Variants in C1orf141 observed in about 807,000 individuals in gnomAD.
C1orf141 encodes the protein chromosome 1 open reading frame 141.
A neutral mutation model predicts 23.2 loss-of-function variants in C1orf141; 19 were observed. That is an observed-to-expected ratio of 0.82 (90% CI 0.57 to 1.20). The LOEUF (loss-of-function observed/expected upper bound fraction) is 1.20, where lower values mean the gene tolerates loss of function less well. Ranked by LOEUF, C1orf141 falls within the 50% of genes most tolerant of loss-of-function variation. The pLI is 0.00. For synonymous variants in C1orf141, 153 were observed against 154.6 expected (o/e 0.99, Z 0.08); for missense variants, 469 against 455.1 (o/e 1.03, Z -0.28).
chr1:67,104,983 T>C (rs1645887877), intron 5 of C1orf141, among the ~76,000 whole-genome samples: 1 of 152,186 alleles, frequency 6.6e-6, no homozygotes, highest in African/African-American at 2.4e-5. Flanking sequence ...ACAACTATTA[T>C]TGATAAGAAC....
At chr1:67,115,305 C>T in intron 5 of C1orf141, 47 bp downstream of exon 5, 1 of 704,960 alleles carries the variant, frequency 1.4e-6, no homozygotes, top group African/African-American at 1.8e-5. Flanking sequence ...ATAAATAAAG[C>T]ACCCATTAAT....
intron 5 of C1orf141, among the ~76,000 whole-genome samples, chr1:67,112,140 A>ACATAGC (rs1310957631): frequency 2.0e-5 from 3 of 152,196 alleles, no homozygotes; most frequent in Admixed American, 1.3e-4. Context: ...TGTGTGGGTT[A>ACATAGC]CATAGCCATA....
chr1:67,119,011 A>G (rs1420699514), intron 4 of C1orf141, among the ~76,000 whole-genome samples: 1 of 152,166 alleles, frequency 6.6e-6, no homozygotes, highest in Non-Finnish European at 1.5e-5. Flanking sequence ...CTGCTGTAAC[A>G]AGTACTTGAA....
At chr1:67,102,098 T>C (rs897573217) in intron 5 of C1orf141, among the ~76,000 whole-genome samples, 1 of 152,172 alleles carries the variant, frequency 6.6e-6, no homozygotes. Context: ...TTTTTCAAAA[T>C]GGTGAGCTAC....
intron 4 of C1orf141, chr1:67,123,803 C>T (rs1048005114): frequency 9.9e-5 from 15 of 152,202 alleles, no homozygotes; most frequent in African/African-American, 3.4e-4. Context: ...ATGGTGGCAG[C>T]TTTCTTCCAG....
At position 67,093,491 on chromosome 1, in the gene C1orf141, T is replaced by C. The variant is rs1357689372; in HGVS notation, c.717A>G (p.Pro239=). ...SHPLENENIY[P]HKRTNFILER... ...CTAAAATGAAATTTGTTCTTTTATG[T>C]GGGTAAATGTTTTCATTTTCCAAAG... Residue 239 remains proline, a synonymous_variant, in exon 8 of 8, where the codon CCA becomes CCG. Coordinates refer to ENST00000684719, the MANE Select transcript of C1orf141 (RefSeq NM_001276351.2). The C allele has an allele frequency of 6.2e-7, 1 of 1,608,716 alleles. No individual in the cohort carries two copies. The highest frequency in any genetic ancestry group is 2.2e-5 in the East Asian group (1 of 44,778).
At chr1:67,104,601 C>T (rs1010195838) in intron 5 of C1orf141, among the ~76,000 whole-genome samples, 4 of 152,028 alleles carry the variant, frequency 2.6e-5, no homozygotes, top group East Asian at 1.9e-4. Context: ...TAACCAGCCC[C>T]GGATAGATTT....
chr1:67,133,923 C>T (rs1191925575), intron 1 of C1orf141, among the ~76,000 whole-genome samples: 1 of 152,216 alleles, frequency 6.6e-6, no homozygotes, highest in Non-Finnish European at 1.5e-5. Flanking sequence ...CAAGCTAGTA[C>T]AGCCCAGGCA....
At chr1:67,111,427 CATA>C in intron 5 of C1orf141, 1 of 428,106 alleles carries the variant, frequency 2.3e-6, no homozygotes, top group Non-Finnish European at 4.2e-6. Context: ...TAAAGTTTTA[CATA>C]ATATCAGAGA....
At chr1:67,101,113 T>C (rs566286595) in intron 5 of C1orf141, among the ~76,000 whole-genome samples, 2 of 152,256 alleles carry the variant, frequency 1.3e-5, no homozygotes, top group South Asian at 4.1e-4. Flanking sequence ...GATGGAATCA[T>C]GTTTTTTCTT....
At chr1:67,102,608 A>G (rs1645829648) in intron 5 of C1orf141, 1 of 152,104 alleles carries the variant, frequency 6.6e-6, no homozygotes, top group Non-Finnish European at 1.5e-5. Context: ...TGCTAAGACC[A>G]TTGACGAAAG....
At position 67,093,036 on chromosome 1, in the gene C1orf141, T is replaced by A; in HGVS notation, c.1172A>T (p.Asn391Ile). 6.3e-7 allele frequency: 1 copy of A among 1,590,822 alleles called. No homozygotes were observed. The highest frequency in any genetic ancestry group is 8.6e-7 in the Non-Finnish European group (1 of 1,162,804). The part of the protein sequence containing the change: ...NNVTPLDNLL[N>I]LSNEILNAS The stretch of plus-strand genomic sequence containing the variant: ...GGCATTTAAAATTTCATTTGATAAG[T>A]TTAACAAATTATCCAGTGGCGTTAC... The change falls in exon 8 of 8, where the codon AAC becomes ATC. Residue 391 changes from asparagine to isoleucine, a missense_variant. By Grantham distance (149) the Asn-to-Ile change is moderately radical (BLOSUM62 -3). This residue lies in a region of C1orf141 where 370 missense variants were observed against 348.1 expected (regional missense o/e 1.06). Coordinates refer to ENST00000684719, the MANE Select transcript of C1orf141 (RefSeq NM_001276351.2).
At chr1:67,106,922 A>T (rs916841850) in intron 5 of C1orf141, among the ~76,000 whole-genome samples, 5 of 152,238 alleles carry the variant, frequency 3.3e-5, no homozygotes, top group Non-Finnish European at 5.9e-5. Flanking sequence ...ATAGAGATTC[A>T]GGAACCTGTA....
chr1:67,093,127 T>C lies in C1orf141; in HGVS notation c.1081A>G (p.Thr361Ala). 1.2e-6 allele frequency: 2 copies of C among 1,613,988 alleles called. No homozygotes were observed. Among genetic ancestry groups the C allele is most frequent in the South Asian group, 2.2e-5 (2 of 91,064 alleles). Residue 361 changes from threonine to alanine, a missense_variant, in exon 8 of 8, where the codon ACA becomes GCA. Physicochemically the swap from Thr to Ala is moderately conservative, Grantham distance 58. Transcript: ENST00000684719. ...CATTTGACAGGTAAGGCACTGGATG[T>C]GGGTATGCTCGTTGGTTTTCCTGCA... ...FSAGKPTSIP[T>A]SSALPVKCYS...
chr1:67,102,247 A>T (rs1645818245), intron 5 of C1orf141, among the ~76,000 whole-genome samples: 1 of 152,062 alleles, frequency 6.6e-6, no homozygotes, highest in East Asian at 1.9e-4. Context: ...CTACAATCAA[A>T]TTCAACTGAC....
At chr1:67,131,943 C>T (rs375016501) in intron 1 of C1orf141, among the ~76,000 whole-genome samples, 4 of 151,832 alleles carry the variant, frequency 2.6e-5, no homozygotes, top group African/African-American at 7.3e-5. Flanking sequence ...CGCCACCACA[C>T]GCAGCTAATT....
upstream of C1orf141, among the ~76,000 whole-genome samples, chr1:67,137,914 G>T (rs1646599989): frequency 6.6e-6 from 1 of 152,148 alleles, no homozygotes; most frequent in African/African-American, 2.4e-5. Context: ...CTTGAGAAAA[G>T]AGCATTTTTT....
At chr1:67,121,793 G>A (rs1417069319) in intron 4 of C1orf141, 1 of 152,176 alleles carries the variant, frequency 6.6e-6, no homozygotes, top group Non-Finnish European at 1.5e-5. Flanking sequence ...AAAGAAATTA[G>A]AAGAAGAGTG....
At chr1:67,115,061 G>A (rs1189775386) in intron 5 of C1orf141, among the ~76,000 whole-genome samples, 1 of 152,164 alleles carries the variant, frequency 6.6e-6, no homozygotes, top group African/African-American at 2.4e-5. Context: ...CAATAACAAG[G>A]AAATTCTCAG....
Sources: gnomAD v4.1 joint callset for allele counts (sites outside exome capture counted in the v4.1 genomes callset) on GRCh38, gnomAD v4.1.1 for gene constraint, gnomAD v4.1.1 regional missense constraint, MANE v1.5 for transcripts, NCBI Gene and HGNC (gene_info 2026-07-23, HGNC 2026-07-21) for gene names.